Variants in AKR1E2 observed in about 807,000 individuals in gnomAD.
AKR1E2 encodes aldo-keto reductase family 1 member E2.
AKR1E2 carries 43 observed loss-of-function variants against 41.9 expected under a neutral mutation model. That is an observed-to-expected ratio of 1.03 (90% CI 0.80 to 1.32). AKR1E2 has a LOEUF of 1.32. Among genes scored for constraint, AKR1E2 ranks in the 40% most tolerant of loss-of-function variants. The pLI, the probability that AKR1E2 is intolerant of heterozygous loss-of-function variation, is 0.00. For synonymous variants in AKR1E2, 121 were observed against 138.9 expected, an observed-to-expected ratio of 0.87 and a Z score of 0.91; for missense variants, 423 against 396.5, an observed-to-expected ratio of 1.07 and a Z score of -0.57.
At chr10:4,865,436 AATAG>A in the AKR1E2 span, among the ~76,000 whole-genome samples, 36 of 152,302 alleles carry the variant, frequency 2.4e-4, no homozygotes, top group African/African-American at 7.7e-4. Context: ...CAAAGATTAT[AATAG>A]ATAGTAAACA....
the AKR1E2 span, among the ~76,000 whole-genome samples, chr10:4,866,628 G>GT: frequency 2.2e-5 from 3 of 135,252 alleles, no homozygotes; most frequent in African/African-American, 5.4e-5. Context: ...AGGGAGCAGA[G>GT]TTTTGTTTTT....
the AKR1E2 span, among the ~76,000 whole-genome samples, chr10:4,870,647 T>C: frequency 2.0e-5 from 3 of 146,402 alleles, no homozygotes; most frequent in Non-Finnish European, 4.6e-5. Context: ...AACTCACAAT[T>C]ATTTGAATTC....
In AKR1E2 at chr10:4,826,380, C is replaced by G. The variant is rs1253567214; in HGVS notation, c.39+17C>G. 3.2e-6 allele frequency: 4 copies of G among 1,233,334 alleles called. No individual in the cohort carries two copies. The highest frequency in any genetic ancestry group is 4.1e-6 in the Non-Finnish European group (4 of 987,136). 76.4% of individuals were successfully genotyped at this position (1,233,334 alleles called of 1,614,324 possible). The stretch of plus-strand genomic sequence containing the variant: ...TCCTGGAAGGTGACGCGGTCGCGGG[C>G]AGGGAGGCGCGCCTGACCTAGGGGA... On this transcript the variant is annotated intron_variant, in intron 1 of 9. Transcript: ENST00000298375.
At chr10:4,858,120 T>C in the AKR1E2 span, among the ~76,000 whole-genome samples, 1 of 152,238 alleles carries the variant, frequency 6.6e-6, no homozygotes, top group Non-Finnish European at 1.5e-5. Context: ...TTATCTATGT[T>C]GTCAATTTCT....
At chr10:4,842,282 C>T (rs1423498900) in intron 7 of AKR1E2, 139 bp from the exon 8 acceptor site, 6 of 692,764 alleles carry the variant, frequency 8.7e-6, no homozygotes, top group Non-Finnish European at 1.2e-5. Context: ...GACAGAGCTG[C>T]TCAGTGAATG....
chr10:4,862,549 C>G, the AKR1E2 span, among the ~76,000 whole-genome samples: 26 of 152,162 alleles, frequency 1.7e-4, no homozygotes, highest in Non-Finnish European at 2.9e-5. Flanking sequence ...GATATTGATT[C>G]TTCCTATCCA....
chr10:4,866,978 C>A, the AKR1E2 span, among the ~76,000 whole-genome samples: 1 of 152,130 alleles, frequency 6.6e-6, no homozygotes, highest in Non-Finnish European at 1.5e-5. Context: ...ATCTTGTAGC[C>A]TCCAGCTGCA....
intron 5 of AKR1E2, among the ~76,000 whole-genome samples, chr10:4,839,520 C>G (rs557293117): frequency 2.6e-4 from 39 of 152,172 alleles, no homozygotes; most frequent in Non-Finnish European, 4.7e-4. Context: ...ATGTAGGTGT[C>G]CCCAAGGCCG....
At chr10:4,845,813 G>T (rs573959209) in intron 8 of AKR1E2, 59 of 471,110 alleles carry the variant, frequency 1.3e-4, no homozygotes, top group African/African-American at 1.0e-3. Flanking sequence ...CCATCCTCAG[G>T]CAGTGAGACA....
intron 8 of AKR1E2, chr10:4,846,146 C>T (rs1262142340): frequency 7.2e-6 from 2 of 276,388 alleles, no homozygotes; most frequent in Non-Finnish European, 7.3e-6. Context: ...CCCACTACCT[C>T]CAGATGACAC....
At chr10:4,842,774 T>C (rs1833992071) in intron 8 of AKR1E2, among the ~76,000 whole-genome samples, 1 of 152,062 alleles carries the variant, frequency 6.6e-6, no homozygotes, top group South Asian at 2.1e-4. Context: ...GTTGGGATGA[T>C]TTGTGTGGGC....
the AKR1E2 span, among the ~76,000 whole-genome samples, chr10:4,862,139 T>C: frequency 1.3e-5 from 2 of 152,236 alleles, no homozygotes; most frequent in African/African-American, 4.8e-5. Context: ...AGTTTCAGCT[T>C]TCTACATATG....
downstream of AKR1E2, among the ~76,000 whole-genome samples, chr10:4,848,274 C>A (rs1834458006): frequency 6.6e-6 from 1 of 152,178 alleles, no homozygotes; most frequent in Non-Finnish European, 1.5e-5. Context: ...ACCTGGGGAA[C>A]CCCCATAGCG....
At chr10:4,843,825 C>T (rs1470977602) in intron 8 of AKR1E2, among the ~76,000 whole-genome samples, 4 of 152,228 alleles carry the variant, frequency 2.6e-5, no homozygotes, top group Non-Finnish European at 4.4e-5. Context: ...GCCCGCATGC[C>T]CTTCTCCTCT....
At chr10:4,844,279 G>A (rs530031564) in intron 8 of AKR1E2, among the ~76,000 whole-genome samples, 19 of 152,178 alleles carry the variant, frequency 1.2e-4, no homozygotes, top group East Asian at 7.7e-4. Flanking sequence ...GGAGTTGTTC[G>A]TTCCTCCCGG....
chr10:4,861,444 C>T, the AKR1E2 span, among the ~76,000 whole-genome samples: 5 of 152,006 alleles, frequency 3.3e-5, no homozygotes, highest in African/African-American at 4.8e-5. Context: ...GATCTTGGCT[C>T]ACTGCAACCT....
intron 8 of AKR1E2, among the ~76,000 whole-genome samples, chr10:4,843,141 C>T (rs912611387): frequency 1.2e-4 from 19 of 152,156 alleles, no homozygotes; most frequent in Admixed American, 8.5e-4. Flanking sequence ...TGTGAAGGAA[C>T]TCTGTGTGGC....
At chr10:4,867,840 A>G in the AKR1E2 span, among the ~76,000 whole-genome samples, 1 of 152,270 alleles carries the variant, frequency 6.6e-6, no homozygotes, top group African/African-American at 2.4e-5. Context: ...TCAAAGCGAG[A>G]GGCAGCGTCC....
At chr10:4,860,256 G>A in the AKR1E2 span, among the ~76,000 whole-genome samples, 1 of 152,150 alleles carries the variant, frequency 6.6e-6, no homozygotes, top group Non-Finnish European at 1.5e-5. Context: ...TTAGAGGCTG[G>A]GGGTAGAAGA....
Sources: gnomAD v4.1 joint callset for allele counts (sites outside exome capture counted in the v4.1 genomes callset) on GRCh38, gnomAD v4.1.1 for gene constraint, MANE v1.5 for transcripts, NCBI Gene and HGNC (gene_info 2026-07-23, HGNC 2026-07-21) for gene names.